Variants in ARMC8 observed in about 807,000 individuals in gnomAD.
The protein encoded by ARMC8 is armadillo repeat containing 8, also known as armadillo repeat-containing protein 8.
In ARMC8, 20 loss-of-function variants were observed where a neutral mutation model predicts 99.3. The ratio of observed to expected loss-of-function variants is 0.20; its 90% CI spans 0.14 to 0.29. ARMC8 has a LOEUF of 0.29. ARMC8 is among the 10% of genes least tolerant of loss of function. ARMC8 has a pLI of 1.00. For synonymous variants in ARMC8, 263 were observed against 278.3 expected (o/e 0.95, Z 0.55); for missense variants, 569 against 809.5 (o/e 0.70, Z 3.60).
intron 2 of ARMC8, among the ~76,000 whole-genome samples, chr3:138,213,867 A>G (rs775361831): frequency 6.6e-6 from 1 of 152,158 alleles, no homozygotes; most frequent in Non-Finnish European, 1.5e-5. Flanking sequence ...TTCAATGAAA[A>G]GATTAACAGA....
intron 2 of ARMC8, among the ~76,000 whole-genome samples, chr3:138,220,886 C>T (rs934300812): frequency 6.6e-6 from 1 of 151,900 alleles, no homozygotes; most frequent in Non-Finnish European, 1.5e-5. Context: ...GATGGAGTTT[C>T]GCCATGTTGT....
In ARMC8 at chr3:138,235,070, G is replaced by A; in HGVS notation, c.565G>A (p.Ala189Thr). ...DHQTILFNHG[A>T]VQNIAHLLTS... Reference sequence around the variant, plus strand: ...TCAAACAATTTTATTTAACCACGGTGCAGTTCAGAATATTGCTCACCTACT... The same window carrying A: ...TCAAACAATTTTATTTAACCACGGTACAGTTCAGAATATTGCTCACCTACT... Residue 189 changes from alanine to threonine, a missense_variant, in exon 7 of 22, where the codon GCA (alanine) becomes ACA (threonine). Ala to Thr is a moderately conservative substitution (Grantham distance 58, BLOSUM62 0). Coordinates refer to ENST00000469044, the MANE Select transcript of ARMC8 (RefSeq NM_001363941.2). The A allele has an allele frequency of 6.2e-7, 1 of 1,613,824 alleles. No individual in the cohort carries two copies. Among genetic ancestry groups the A allele is most frequent in the African/African-American group, 1.3e-5 (1 of 74,984 alleles).
intron 3 of ARMC8, 51 bp from the exon 4 acceptor site, chr3:138,223,338 G>A: frequency 6.3e-7 from 1 of 1,586,012 alleles, no homozygotes; most frequent in Non-Finnish European, 8.6e-7. Flanking sequence ...GTCACATTGA[G>A]TCTTGTTTAA....
intron 6 of ARMC8, among the ~76,000 whole-genome samples, chr3:138,231,961 CTTTTTTTTTTTTTTTT>C (rs61298993): frequency 1.7e-5 from 1 of 58,630 alleles, no homozygotes; most frequent in East Asian, 6.5e-4. Context: ...CTTGCAATTG[CTTTTTTTTTTTTTTTT>C]TTTTTTTTTT....
chr3:138,201,801 C>T (rs1224948457), intron 1 of ARMC8, among the ~76,000 whole-genome samples: 1 of 152,154 alleles, frequency 6.6e-6, no homozygotes, highest in East Asian at 1.9e-4. Flanking sequence ...ATTAATCTTT[C>T]AGATTACTCA....
chr3:138,236,102 G>A (rs1002193911), intron 7 of ARMC8, among the ~76,000 whole-genome samples: 116 of 152,158 alleles, frequency 7.6e-4, no homozygotes, highest in Non-Finnish European at 8.8e-5. Context: ...CACCGTGTCC[G>A]GCCTGTCCTT....
intron 1 of ARMC8, among the ~76,000 whole-genome samples, chr3:138,207,886 A>T (rs923945180): frequency 6.6e-6 from 1 of 152,114 alleles, no homozygotes; most frequent in East Asian, 1.9e-4. Flanking sequence ...CTTTAATGGT[A>T]CCCTGGTGGG....
At chr3:138,204,259 A>G (rs556223596) in intron 1 of ARMC8, among the ~76,000 whole-genome samples, 55 of 152,264 alleles carry the variant, frequency 3.6e-4, no homozygotes, top group Admixed American at 9.8e-4. Context: ...ACACCTGGCT[A>G]TAATTCCCTC....
chr3:138,263,615 A>G (rs2047974159), intron 12 of ARMC8, 124 bp from the exon 13 acceptor site: 5 of 839,282 alleles, frequency 6.0e-6, no homozygotes, highest in Admixed American at 1.8e-5. Flanking sequence ...ATTGTTTGAG[A>G]GGTAAAAACT....
At chr3:138,189,550 T>G (rs2043259255) in intron 1 of ARMC8, among the ~76,000 whole-genome samples, 1 of 152,228 alleles carries the variant, frequency 6.6e-6, no homozygotes, top group Non-Finnish European at 1.5e-5. Context: ...ATGTACCAGT[T>G]ACGTACAAGC....
At chr3:138,194,693 A>C (rs923888478) in intron 1 of ARMC8, among the ~76,000 whole-genome samples, 31 of 151,970 alleles carry the variant, frequency 2.0e-4, no homozygotes, top group African/African-American at 6.5e-4. Flanking sequence ...GGGTATTCCA[A>C]ATCTGGATAT....
chr3:138,256,345 T>A (rs1038899927), intron 12 of ARMC8, among the ~76,000 whole-genome samples: 1 of 152,058 alleles, frequency 6.6e-6, no homozygotes, highest in African/African-American at 2.4e-5. Flanking sequence ...AGCTGAATCA[T>A]TGATTTGTCA....
At chr3:138,284,219 A>G (rs1195975897) in intron 18 of ARMC8, among the ~76,000 whole-genome samples, 1 of 152,166 alleles carries the variant, frequency 6.6e-6, no homozygotes, top group African/African-American at 2.4e-5. Context: ...AAACCACCAA[A>G]GTGTTGGGGT....
chr3:138,198,782 G>A (rs1262353254), intron 1 of ARMC8, among the ~76,000 whole-genome samples: 1 of 151,938 alleles, frequency 6.6e-6, no homozygotes, highest in East Asian at 1.9e-4. Flanking sequence ...AAAGTGCTGG[G>A]ATTACAGGCA....
chr3:138,199,234 A>C (rs2043915681), intron 1 of ARMC8, among the ~76,000 whole-genome samples: 1 of 152,226 alleles, frequency 6.6e-6, no homozygotes, highest in African/African-American at 2.4e-5. Flanking sequence ...TATAAAAGGA[A>C]TTGAATGTTT....
At chr3:138,283,501 ATTGT>A (rs532996996) in intron 18 of ARMC8, among the ~76,000 whole-genome samples, 115 of 152,182 alleles carry the variant, frequency 7.6e-4, no homozygotes, top group African/African-American at 2.6e-3. Context: ...GTGAAATGTA[ATTGT>A]TTGTGTGACA....
chr3:138,260,190 C>G (rs1007559658), intron 12 of ARMC8, among the ~76,000 whole-genome samples: 2 of 152,188 alleles, frequency 1.3e-5, no homozygotes, highest in Non-Finnish European at 2.9e-5. Flanking sequence ...CTTGCCTTCT[C>G]CTTTAGCACT....
intron 2 of ARMC8, among the ~76,000 whole-genome samples, chr3:138,220,693 CTT>C (rs1198710255): frequency 8.6e-5 from 12 of 139,660 alleles, no homozygotes; most frequent in Admixed American, 2.2e-4. Context: ...ATTTTTTTTT[CTT>C]TTTTTTTTTT....
At position 138,295,942 on chromosome 3, in the gene ARMC8, A is replaced by G. The variant is rs186404046; in HGVS notation, c.*50A>G. On this transcript the variant is annotated 3_prime_UTR_variant, in exon 22 of 22. Transcript: ENST00000469044. ...AGCATCCCACCTCCTTGTTTAAGGA[A>G]GTACAGGAACCAGCCTCATTTGATT... The G allele has an allele frequency of 2.7e-5, 43 of 1,594,752 alleles. No homozygotes were observed. In the African/African-American group the frequency reaches 5.2e-4, roughly 19 times the overall value.
Sources: allele counts gnomAD v4.1 joint callset (sites outside exome capture counted in the v4.1 genomes callset), GRCh38; gene constraint gnomAD v4.1.1; transcripts MANE v1.5; gene names NCBI Gene and HGNC (gene_info 2026-07-23, HGNC 2026-07-21).